Variants in UGT1A9 observed in about 807,000 individuals in gnomAD.
UGT1A9 encodes the protein UDP-glucuronosyltransferase 1A9.
Under a neutral mutation model 45.0 loss-of-function variants are expected in UGT1A9, and 35 were observed. That is an observed-to-expected ratio of 0.78 (90% confidence interval 0.59 to 1.03). The LOEUF (loss-of-function observed/expected upper bound fraction) is 1.03. UGT1A9 is among the 50% of genes least tolerant of loss of function. The probability of loss-of-function intolerance (pLI) is 0.00; values close to 1 mark genes in which losing one functional copy is unlikely to be tolerated. For synonymous variants in UGT1A9, 278 were observed against 250.6 expected (o/e 1.11, Z -1.03); for missense variants, 687 against 666.6 (o/e 1.03, Z -0.34).
intron 1 of UGT1A9, among the ~76,000 whole-genome samples, 189 bp downstream of exon 1, chr2:233,672,978 A>G (rs938132423): frequency 1.1e-4 from 16 of 152,170 alleles, no homozygotes; most frequent in African/African-American, 3.9e-4. Flanking sequence ...CTTCTTGAAG[A>G]TATGTATTTA....
At chr2:233,704,049 C>A (rs2075765509) in intron 1 of UGT1A9, among the ~76,000 whole-genome samples, 1 of 151,982 alleles carries the variant, frequency 6.6e-6, no homozygotes, top group African/African-American at 2.4e-5. Context: ...CACCAACATG[C>A]CTGGCTAATT....
At chr2:233,713,889 T>A (rs769338020) in intron 1 of UGT1A9, 2 of 1,613,388 alleles carry the variant, frequency 1.2e-6, no homozygotes, top group South Asian at 2.2e-5. Context: ...CCAATCAATG[T>A]TCCAGGCAAA....
intron 1 of UGT1A9, among the ~76,000 whole-genome samples, chr2:233,735,199 T>C (rs2078621377): frequency 6.6e-6 from 1 of 152,232 alleles, no homozygotes; most frequent in Non-Finnish European, 1.5e-5. Flanking sequence ...TAGGTGCTCC[T>C]GTATTGGGTG....
intron 1 of UGT1A9, among the ~76,000 whole-genome samples, chr2:233,700,403 C>T (rs1036096204): frequency 2.0e-5 from 3 of 152,080 alleles, no homozygotes; most frequent in Admixed American, 6.5e-5. Flanking sequence ...ATTTTGGCAG[C>T]AGTGTTTCTG....
chr2:233,695,870 A>G (rs1194370927), intron 1 of UGT1A9, among the ~76,000 whole-genome samples: 2 of 152,186 alleles, frequency 1.3e-5, no homozygotes, highest in African/African-American at 4.8e-5. Flanking sequence ...ACAACAAACA[A>G]CGCAGAAAAC....
chr2:233,745,629 A>T (rs1334214032), intron 1 of UGT1A9, among the ~76,000 whole-genome samples: 1 of 151,506 alleles, frequency 6.6e-6, no homozygotes, highest in East Asian at 1.9e-4. Context: ...ACAGTCATAG[A>T]AAGCTGGCCG....
rs553278701 is a variant in UGT1A9 at position 233,687,190 on chromosome 2, G to A, written c.855+14401G>A. ...ATGTGGATATGAATCAGCAATACCC[G>A]TAATTGGGTGGGTGATATGCATTTT... On this transcript the variant is annotated intron_variant, in intron 1 of 4. Coordinates refer to ENST00000354728, the MANE Select transcript of UGT1A9 (RefSeq NM_021027.3). 1.1e-4 allele frequency among the ~76,000 whole-genome samples: 16 copies of A among 152,278 alleles called. No individual in the cohort carries two copies. In the South Asian group the frequency reaches 1.7e-3, roughly 16 times the overall value.
rs115332590 is a variant in UGT1A9 at position 233,732,850 on chromosome 2, G to T, written c.856-34184G>T. Among the ~76,000 whole-genome samples the T allele has an allele frequency of 7.9e-3, 1,186 of 150,004 alleles. 18 individuals carry two copies. Among genetic ancestry groups the T allele is most frequent in the African/African-American group, 0.025 (998 of 40,660 alleles). On this transcript the variant is annotated intron_variant, in intron 1 of 4. Coordinates refer to ENST00000354728, the MANE Select transcript of UGT1A9 (RefSeq NM_021027.3). ...AAGTAGTTTTTTCCAATTTTGTGAA[G>T]TCATTGGTAGCTTGATGGGTTTGGC...
intron 1 of UGT1A9, chr2:233,753,210 T>TAGAC (rs1695156471): frequency 2.0e-5 from 3 of 152,224 alleles, no homozygotes; most frequent in African/African-American, 4.8e-5. Flanking sequence ...ACAGTCTGTC[T>TAGAC]TATTTTGATA....
chr2:233,693,708 C>G, intron 1 of UGT1A9: 1 of 1,614,214 alleles, frequency 6.2e-7, no homozygotes, highest in East Asian at 2.2e-5. Flanking sequence ...CTCGCATCAG[C>G]TGTCCTCAAG....
At chr2:233,749,591 G>A (rs1280802236) in intron 1 of UGT1A9, among the ~76,000 whole-genome samples, 27 of 151,796 alleles carry the variant, frequency 1.8e-4, no homozygotes. Context: ...GTCTCAACAT[G>A]AAGTCACACT....
Position 233,749,147 on chromosome 2 carries a change from T to C in UGT1A9, c.856-17887T>C, listed in dbSNP as rs149958207. ...TTCACTGAATGCATATGAACTTCCA[T>C]GACTTGATCCTTTTGTATTTTTATT... On this transcript the variant is annotated intron_variant, in intron 1 of 4. Transcript: ENST00000354728. Among the ~76,000 whole-genome samples, 47 of 152,004 alleles carry C rather than the reference T, an allele frequency of 3.1e-4. 1 individual carries two copies. Among genetic ancestry groups the C allele is most frequent in the African/African-American group, 9.9e-4 (41 of 41,258 alleles).
At chr2:233,740,735 C>T (rs1403537292) in intron 1 of UGT1A9, 2 of 151,614 alleles carry the variant, frequency 1.3e-5, no homozygotes, top group Non-Finnish European at 2.9e-5. Flanking sequence ...AGGAAATGCC[C>T]CCTTTTACAC....
At chr2:233,678,388 G>A (rs930248608) in intron 1 of UGT1A9, among the ~76,000 whole-genome samples, 1 of 152,144 alleles carries the variant, frequency 6.6e-6, no homozygotes, top group Non-Finnish European at 1.5e-5. Flanking sequence ...GGGCTGTGGA[G>A]GAGGAGGAGT....
intron 1 of UGT1A9, among the ~76,000 whole-genome samples, chr2:233,759,580 A>G (rs1271749262): frequency 2.0e-5 from 3 of 151,416 alleles, no homozygotes; most frequent in Non-Finnish European, 2.9e-5. Flanking sequence ...TCTCTACCCC[A>G]GCACGCCCCC....
chr2:233,714,639 G>A lies in UGT1A9; in HGVS notation c.855+41850G>A, dbSNP rs575235602. On this transcript the variant is annotated intron_variant, in intron 1 of 4. Coordinates refer to ENST00000354728, the MANE Select transcript of UGT1A9 (RefSeq NM_021027.3). ...AAAAAGAAACCACTAAAATTAATGTGAATAATGCATTTTATTTAACCAGAT... is the reference window on the plus strand; with the variant it reads ...AAAAAGAAACCACTAAAATTAATGTAAATAATGCATTTTATTTAACCAGAT... 1.5e-3 allele frequency among the ~76,000 whole-genome samples: 236 copies of A among 152,314 alleles called. 2 individuals are homozygous for A. The highest frequency in any genetic ancestry group is 5.3e-3 in the African/African-American group (221 of 41,578).
chr2:233,698,831 G>A (rs1290977485), intron 1 of UGT1A9, among the ~76,000 whole-genome samples: 1 of 152,228 alleles, frequency 6.6e-6, no homozygotes, highest in Admixed American at 6.5e-5. Flanking sequence ...AGTAAGGCAG[G>A]ATCACTTCCC....
At chr2:233,683,614 CTGTTT>C (rs1257566259) in intron 1 of UGT1A9, among the ~76,000 whole-genome samples, 11 of 152,068 alleles carry the variant, frequency 7.2e-5, no homozygotes, top group African/African-American at 2.7e-4. Context: ...TATTCGGATT[CTGTTT>C]TATTTCCATA....
intron 1 of UGT1A9, among the ~76,000 whole-genome samples, chr2:233,738,129 C>A (rs546300449): frequency 1.3e-3 from 203 of 152,182 alleles, no homozygotes; most frequent in African/African-American, 4.7e-3. Flanking sequence ...TATAAGGGGC[C>A]CTTATCCCTT....
Sources: gnomAD v4.1 joint callset for allele counts (sites outside exome capture counted in the v4.1 genomes callset) on GRCh38, gnomAD v4.1.1 for gene constraint, MANE v1.5 for transcripts, NCBI Gene and HGNC (gene_info 2026-07-23, HGNC 2026-07-21) for gene names.